Variants in CPNE5 observed in about 807,000 individuals in gnomAD.
The protein encoded by CPNE5 is copine-5.
A neutral mutation model predicts 81.1 loss-of-function variants in CPNE5; 42 were observed. The ratio of observed to expected loss-of-function variants is 0.52; its 90% CI spans 0.40 to 0.67. The LOEUF is 0.67. Among genes scored for constraint, CPNE5 ranks in the 30% least tolerant of loss-of-function variants. The pLI is 0.00. For synonymous variants in CPNE5, 313 were observed against 321.5 expected (o/e 0.97, Z 0.28); for missense variants, 612 against 815.5 (o/e 0.75, Z 3.04).
chr6:36,805,617 G>GAAA (rs1364413915), intron 3 of CPNE5, among the ~76,000 whole-genome samples: 2 of 152,168 alleles, frequency 1.3e-5, no homozygotes, highest in African/African-American at 4.8e-5. Context: ...GAGGCTGAGT[G>GAAA]ACAGGGGAGG....
chr6:36,788,092 G>C (rs115506283), intron 8 of CPNE5, among the ~76,000 whole-genome samples: 1,899 of 149,528 alleles, frequency 0.013, 48 homozygotes, highest in African/African-American at 0.045. Flanking sequence ...GTGCACTGGT[G>C]CAATCATGGT....
chr6:36,833,486 T>G (rs1023832077), intron 1 of CPNE5, among the ~76,000 whole-genome samples: 1 of 152,208 alleles, frequency 6.6e-6, no homozygotes, highest in African/African-American at 2.4e-5. Flanking sequence ...CTCTTGTGAT[T>G]ACAGTTACTT....
At chr6:36,748,353 C>G in intron 14 of CPNE5, 86 bp from the exon 15 acceptor site, 1 of 1,186,616 alleles carries the variant, frequency 8.4e-7, no homozygotes, top group Non-Finnish European at 1.3e-6. Flanking sequence ...GGCTACCACC[C>G]TGGCTCTGCT....
chr6:36,799,883 T>C (rs886523954), intron 4 of CPNE5, 84 bp downstream of exon 4: 5 of 1,014,718 alleles, frequency 4.9e-6, no homozygotes, highest in South Asian at 2.8e-5. Context: ...TCTCAGCTCC[T>C]TCCTCAACCA....
At chr6:36,797,708 G>C (rs896746782) in intron 6 of CPNE5, among the ~76,000 whole-genome samples, 1 of 152,218 alleles carries the variant, frequency 6.6e-6, no homozygotes, top group Non-Finnish European at 1.5e-5. Flanking sequence ...GGACAGGATG[G>C]GACGGGAGGA....
intron 10 of CPNE5, among the ~76,000 whole-genome samples, chr6:36,765,696 C>G (rs1237545556): frequency 6.6e-6 from 1 of 152,228 alleles, no homozygotes; most frequent in South Asian, 2.1e-4. Flanking sequence ...CAGCATGGAG[C>G]TGCACTGTGG....
At position 36,748,381 on chromosome 6, in the gene CPNE5, C is replaced by A. The variant is rs1025946535; in HGVS notation, c.972-114G>T. 4.4e-6 allele frequency: 4 copies of A among 899,076 alleles called. No individual in the cohort carries two copies. In the Admixed American group the frequency reaches 5.5e-5, roughly 12 times the overall value. 55.7% of individuals were successfully genotyped at this position (899,076 alleles called of 1,614,324 possible). A position where few individuals can be genotyped will look rare whatever the true frequency, so the allele number is the denominator to read the frequency against. The stretch of plus-strand genomic sequence containing the variant: ...GCTCTGCTGCTTGCCAGGTGTGTGG[C>A]CTTGGTGAAGTCATTCATCTCTTTC... On this transcript the variant is annotated intron_variant, in intron 14 of 20. Transcript: ENST00000244751.
chr6:36,793,703 G>T (rs541255576), intron 7 of CPNE5, among the ~76,000 whole-genome samples: 21 of 152,208 alleles, frequency 1.4e-4, no homozygotes, highest in African/African-American at 4.8e-4. Flanking sequence ...TAGCATCCAT[G>T]CTCTCCCTGG....
chr6:36,769,503 T>C (rs1384761917), intron 10 of CPNE5, among the ~76,000 whole-genome samples: 1 of 152,244 alleles, frequency 6.6e-6, no homozygotes, highest in Non-Finnish European at 1.5e-5. Flanking sequence ...TGCCTCCTAA[T>C]GAGCCTCTGC....
At chr6:36,834,045 C>A in intron 1 of CPNE5, among the ~76,000 whole-genome samples, 1 of 150,836 alleles carries the variant, frequency 6.6e-6, no homozygotes, top group African/African-American at 2.4e-5. Context: ...CCTGGGCAAC[C>A]GAGTATGACC....
intron 14 of CPNE5, among the ~76,000 whole-genome samples, chr6:36,750,214 T>C (rs1300586033): frequency 6.6e-6 from 1 of 152,190 alleles, no homozygotes; most frequent in Admixed American, 6.5e-5. Context: ...CTCACCTCAC[T>C]TGCATTTAGC....
chr6:36,775,633 C>T (rs1767435007), intron 9 of CPNE5, among the ~76,000 whole-genome samples: 1 of 152,200 alleles, frequency 6.6e-6, no homozygotes, highest in Non-Finnish European at 1.5e-5. Flanking sequence ...GAAACCTCCC[C>T]TGACTACCGT....
At chr6:36,782,222 C>A (rs942582317) in intron 8 of CPNE5, among the ~76,000 whole-genome samples, 2 of 152,122 alleles carry the variant, frequency 1.3e-5, no homozygotes, top group Admixed American at 1.3e-4. Flanking sequence ...CTGGAAGTCG[C>A]CTGAGTGACA....
At position 36,823,138 on chromosome 6, in the gene CPNE5, T is replaced by A. The variant is rs200335649; in HGVS notation, c.96-40A>T. 9.3e-6 allele frequency: 14 copies of A among 1,498,242 alleles called. 1 individual carries two copies. The East Asian group carries it at 3.5e-4, about 38-fold the overall frequency. 92.8% of individuals were successfully genotyped at this position (1,498,242 alleles called of 1,614,324 possible). A position where few individuals can be genotyped will look rare whatever the true frequency, so the allele number is the denominator to read the frequency against. On this transcript the variant is annotated intron_variant, in intron 1 of 20. Transcript: ENST00000244751. ...GAGAGGAGGGGTTAGCACGGCCAGC[T>A]GAGAGGAGGCGACCTCAGGGGATTC...
intron 1 of CPNE5, among the ~76,000 whole-genome samples, chr6:36,826,720 G>A (rs1398875173): frequency 2.0e-5 from 3 of 152,224 alleles, no homozygotes; most frequent in Non-Finnish European, 2.9e-5. Flanking sequence ...AGAATGGCCA[G>A]ATGGGTGAGC....
intron 6 of CPNE5, among the ~76,000 whole-genome samples, chr6:36,797,240 C>T (rs539428360): frequency 6.6e-5 from 10 of 152,376 alleles, no homozygotes; most frequent in East Asian, 3.9e-4. Context: ...GAGGGGACAG[C>T]GTCCAGTGGG....
At chr6:36,763,859 G>A (rs1181149660) in intron 11 of CPNE5, among the ~76,000 whole-genome samples, 1 of 150,120 alleles carries the variant, frequency 6.7e-6, no homozygotes, top group Admixed American at 6.6e-5. Context: ...AACACAATGA[G>A]AGCGATGTCC....
intron 12 of CPNE5, among the ~76,000 whole-genome samples, chr6:36,760,199 G>A (rs1354980916): frequency 6.9e-6 from 1 of 145,488 alleles, no homozygotes; most frequent in Non-Finnish European, 1.5e-5. Context: ...CAGCCTGGGT[G>A]AGAATGAGAC....
intron 1 of CPNE5, among the ~76,000 whole-genome samples, chr6:36,824,819 G>A (rs967363847): frequency 4.3e-4 from 66 of 152,130 alleles, no homozygotes; most frequent in Non-Finnish European, 2.4e-4. Context: ...GGTGGTATGC[G>A]CCTGTAATCC....
Sources: gnomAD v4.1 joint callset for allele counts (sites outside exome capture counted in the v4.1 genomes callset) on GRCh38, gnomAD v4.1.1 for gene constraint, MANE v1.5 for transcripts, NCBI Gene and HGNC (gene_info 2026-07-23, HGNC 2026-07-21) for gene names.